Variants in BBOF1 observed in about 807,000 individuals in gnomAD.
The protein encoded by BBOF1 is basal body-orientation factor 1.
BBOF1 carries 62 observed loss-of-function variants against 68.0 expected under a neutral mutation model. The observed-to-expected ratio is 0.91, with a 90% confidence interval of 0.74 to 1.13. The LOEUF is 1.13. Among genes scored for constraint, BBOF1 ranks in the 50% most tolerant of loss-of-function variants. BBOF1 has a pLI of 0.00. For synonymous variants in BBOF1, 208 were observed against 198.8 expected (o/e 1.05, Z -0.39); for missense variants, 534 against 600.1 (o/e 0.89, Z 1.15).
At chr14:74,040,707 G>A (rs1273103085) in intron 5 of BBOF1, 62 bp downstream of exon 5, 2 of 967,600 alleles carry the variant, frequency 2.1e-6, no homozygotes, top group African/African-American at 1.7e-5. Flanking sequence ...GTATTTATAT[G>A]CATTCTGAAA....
intron 4 of BBOF1, among the ~76,000 whole-genome samples, chr14:74,039,720 G>A (rs1321785743): frequency 6.6e-6 from 1 of 152,042 alleles, no homozygotes; most frequent in Non-Finnish European, 1.5e-5. Flanking sequence ...TTACAGGCAT[G>A]AGCCACTGTA....
chr14:74,054,167 C>G (rs564477989), intron 8 of BBOF1, among the ~76,000 whole-genome samples: 64 of 152,130 alleles, frequency 4.2e-4, no homozygotes, highest in Non-Finnish European at 7.8e-4. Context: ...TGAACCACTG[C>G]GCGCAGCCTA....
At chr14:74,055,741 T>C (rs1459114151) in intron 9 of BBOF1, 56 bp downstream of exon 9, 2 of 1,351,354 alleles carry the variant, frequency 1.5e-6, no homozygotes, top group East Asian at 2.3e-5. Flanking sequence ...TAGAAACCAC[T>C]TAGGAACAAA....
chr14:74,067,036 T>C, downstream of BBOF1: 1 of 785,626 alleles, frequency 1.3e-6, no homozygotes. Context: ...GGCAACAAAG[T>C]GAGACTTCAT....
At chr14:74,033,658 C>G (rs1330164710) in intron 3 of BBOF1, among the ~76,000 whole-genome samples, 1 of 151,882 alleles carries the variant, frequency 6.6e-6, no homozygotes, top group African/African-American at 2.4e-5. Context: ...GAGTGGATCA[C>G]GAGGTCAGGA....
chr14:74,019,432 G>C lies in BBOF1; in HGVS notation c.-47G>C. On this transcript the variant is annotated 5_prime_UTR_variant, in exon 1 of 12. Transcript: ENST00000394009. ...CCTTGGAGACAGAGCTGGCCAGGGC[G>C]GCCGCGGCTGGGCAACTACGACAGC... The C allele has an allele frequency of 3.2e-6, 5 of 1,577,222 alleles. No individual in the cohort carries two copies. Among genetic ancestry groups the C allele is most frequent in the Non-Finnish European group, 3.4e-6 (4 of 1,162,250 alleles).
intron 9 of BBOF1, chr14:74,071,718 G>A: frequency 6.8e-7 from 1 of 1,469,548 alleles, no homozygotes. Context: ...TTTGAGTAAA[G>A]AGTAAAGTAA....
downstream of BBOF1, chr14:74,066,691 T>C (rs998418287): frequency 4.3e-6 from 7 of 1,612,628 alleles, no homozygotes; most frequent in Non-Finnish European, 5.9e-6. Context: ...ATTTGTGAAG[T>C]GAAAGTTGTT....
At position 74,082,470 on chromosome 14, in the gene BBOF1, G is replaced by A. The variant is rs2060679971; in HGVS notation, n.1640-318G>A. Among the ~76,000 whole-genome samples the A allele has an allele frequency of 2.3e-5, 3 of 131,804 alleles. No individual in the cohort carries two copies. In the South Asian group the frequency reaches 7.4e-4, roughly 33 times the overall value. 86.5% of individuals were successfully genotyped at this position (131,804 alleles called of 152,430 possible). On this transcript the variant is annotated intron_variant and non_coding_transcript_variant, in intron 12 of 12. Transcript: ENST00000492026. The stretch of plus-strand genomic sequence containing the variant: ...GCTGGAGTGCAATGGCACGATCTCA[G>A]CTCACTGCAACCTCCGTCTTCCGGG...
chr14:74,036,782 G>A (rs116936090), intron 4 of BBOF1, among the ~76,000 whole-genome samples: 46,379 of 150,874 alleles, frequency 0.31, 9,109 homozygotes, highest in Non-Finnish European at 0.42. Context: ...GTACCTATCT[G>A]GGAACATTAT....
At chr14:74,057,527 TACTATCTTTTACGTAAGAGTAA>T (rs1354943806) in intron 11 of BBOF1, 1 of 1,348,042 alleles carries the variant, frequency 7.4e-7, no homozygotes, top group Non-Finnish European at 9.6e-7. Flanking sequence ...CCAAAATGTG[TACTATCTTTTACGTAAGAGTAA>T]ACATAGTGAC....
chr14:74,028,495 C>G (rs1362322452), intron 2 of BBOF1, among the ~76,000 whole-genome samples: 1 of 126,424 alleles, frequency 7.9e-6, no homozygotes, highest in South Asian at 3.0e-4. Context: ...CACACACACA[C>G]ACACACACAC....
rs759851246 is a variant in BBOF1 at position 74,057,285 on chromosome 14, A to C, written c.1578+27A>C. ...TAAGGAGTCTGTATCTAATCAAACA[A>C]TGTATATTGTTGTCACCCTTCCCCA... On this transcript the variant is annotated intron_variant, in intron 11 of 11. Coordinates refer to ENST00000394009, the MANE Select transcript of BBOF1 (RefSeq NM_025057.3). The C allele has an allele frequency of 1.9e-6, 3 of 1,614,016 alleles. No homozygotes were observed. In the Admixed American group the frequency reaches 5.0e-5, roughly 27 times the overall value.
At chr14:74,066,934 T>C (rs772200444), downstream of BBOF1, 15 of 1,563,554 alleles carry the variant, frequency 9.6e-6, no homozygotes, top group East Asian at 3.4e-4. Flanking sequence ...ACATAAATTA[T>C]GACTGCTGCC....
chr14:74,075,947 T>C (rs1313793493), intron 9 of BBOF1, among the ~76,000 whole-genome samples: 1 of 152,170 alleles, frequency 6.6e-6, no homozygotes, highest in Non-Finnish European at 1.5e-5. Flanking sequence ...GTCATAATAA[T>C]TATGGCAAGA....
intron 11 of BBOF1, among the ~76,000 whole-genome samples, chr14:74,060,955 T>A (rs1173571780): frequency 6.6e-6 from 1 of 151,988 alleles, no homozygotes; most frequent in African/African-American, 2.4e-5. Flanking sequence ...ACCTTAGCCA[T>A]CATTATTATG....
intron 3 of BBOF1, among the ~76,000 whole-genome samples, chr14:74,029,682 C>CA (rs1179777105): frequency 0.13 from 13,673 of 104,106 alleles, 722 homozygotes; most frequent in South Asian, 0.22. Flanking sequence ...AACTTCATCT[C>CA]AAAAAAAAAA....
chr14:74,067,603 C>T, downstream of BBOF1: 2 of 1,608,500 alleles, frequency 1.2e-6, no homozygotes, highest in Non-Finnish European at 1.7e-6. Context: ...ATGAGTCTTC[C>T]TTGGCCAAAT....
At chr14:74,027,082 CT>C (rs1189972161) in intron 2 of BBOF1, among the ~76,000 whole-genome samples, 4,991 of 87,994 alleles carry the variant, frequency 0.057, 32 homozygotes, top group South Asian at 0.17. Flanking sequence ...GAAAGGAAGC[CT>C]TTTTTTTTTT....
Sources: gnomAD v4.1 joint callset for allele counts (sites outside exome capture counted in the v4.1 genomes callset) on GRCh38, gnomAD v4.1.1 for gene constraint, MANE v1.5 for transcripts, NCBI Gene and HGNC (gene_info 2026-07-23, HGNC 2026-07-21) for gene names.